Variants in GOLGA3 observed in about 807,000 individuals in gnomAD.
GOLGA3 encodes golgin A3.
Under a neutral mutation model 169.4 loss-of-function variants are expected in GOLGA3, and 75 were observed. The observed-to-expected ratio is 0.44, with a 90% CI of 0.37 to 0.54. GOLGA3 has a LOEUF of 0.54. GOLGA3 is among the 20% of genes least tolerant of loss of function. The pLI, the probability that GOLGA3 is intolerant of heterozygous loss-of-function variation, is 0.00. For synonymous variants in GOLGA3, 824 were observed against 822.4 expected (o/e 1.00, Z -0.03); for missense variants, 1,899 against 1,930.0 (o/e 0.98, Z 0.30).
chr12:132,783,735 AC>A (rs2136324722), intron 16 of GOLGA3: 1 of 308,828 alleles, frequency 3.2e-6, no homozygotes, highest in East Asian at 7.6e-5. Flanking sequence ...CCGCCACCAC[AC>A]CCGGCTAATT....
chr12:132,778,893 G>GA (rs58841336), intron 18 of GOLGA3, among the ~76,000 whole-genome samples: 33,467 of 141,488 alleles, frequency 0.24, 3,975 homozygotes, highest in Middle Eastern at 0.28. Flanking sequence ...GACTCCGTCT[G>GA]AAAAAAAAAA....
intron 21 of GOLGA3, among the ~76,000 whole-genome samples, chr12:132,775,952 C>T (rs1163610670): frequency 6.6e-6 from 1 of 152,236 alleles, no homozygotes; most frequent in Non-Finnish European, 1.5e-5. Context: ...TGACACACAG[C>T]GCGGCCAAGG....
chr12:132,786,814 A>G (rs755460290), intron 13 of GOLGA3, 27 bp from the exon 14 acceptor site: 3 of 1,463,572 alleles, frequency 2.0e-6, no homozygotes. Context: ...GGGCGTGAGG[A>G]GCGGCACTGC....
Position 132,815,012 on chromosome 12 carries a change from CTT to C in GOLGA3, c.406+1526_406+1527del, listed in dbSNP as rs925185278. Among the ~76,000 whole-genome samples, 74 of 152,314 alleles carry C rather than the reference CTT, an allele frequency of 4.9e-4. No homozygotes were observed. The Middle Eastern group carries it at 0.014, about 28-fold the overall frequency. On this transcript the variant is annotated intron_variant, in intron 3 of 23. Transcript: ENST00000450791. ...AGGAAAGCATAATCACACAGCAACG[CTT>C]TACACATGACACCCTCCTTACAGGT...
Position 132,777,609 on chromosome 12 carries a change from A to T in GOLGA3, c.3722+57T>A, listed in dbSNP as rs2045318207. 1.9e-6 allele frequency: 3 copies of T among 1,595,750 alleles called. No individual in the cohort carries two copies. The South Asian group carries it at 3.3e-5, about 18-fold the overall frequency. ...TCGCTGTGCTGAAGGTGTGAATTAG[A>T]CCCCGCCCATTGCCAGGACAGCCAT... is the stretch of plus-strand genomic sequence containing the variant. On this transcript the variant is annotated intron_variant, in intron 19 of 23. Transcript: ENST00000450791. This position sits in a 1 kb window ranked among gnomAD's most constrained non-coding sequence, Gnocchi z 4.7.
At position 132,790,976 on chromosome 12, in the gene GOLGA3, G is replaced by A. The variant is rs181544439; in HGVS notation, c.2547+240C>T. ...TGAGGCAGGAGAATAGCTTGAACCC[G>A]GGAGGCAGAGCTTGCAGTGAGCCAA... On this transcript the variant is annotated intron_variant, in intron 12 of 23. Coordinates refer to ENST00000450791, the MANE Select transcript of GOLGA3 (RefSeq NM_001389683.1). Among the ~76,000 whole-genome samples the A allele has an allele frequency of 2.4e-4, 34 of 139,964 alleles. No individual in the cohort carries two copies. In the East Asian group the frequency reaches 5.3e-3, roughly 22 times the overall value. The allele number at this position is 139,964 out of a possible 152,430, so 91.8% of individuals were successfully genotyped here.
chr12:132,821,925 C>T (rs1593399236), intron 2 of GOLGA3, 71 bp downstream of exon 2: 1 of 968,954 alleles, frequency 1.0e-6, no homozygotes, highest in South Asian at 1.6e-5. Context: ...CCACATCCTC[C>T]CTCAACACCA....
At chr12:132,774,962 T>A in intron 22 of GOLGA3, 179 bp downstream of exon 22, 1 of 583,312 alleles carries the variant, frequency 1.7e-6, no homozygotes, top group Non-Finnish European at 3.0e-6. Context: ...GTTGGATGAA[T>A]GAAACCAGAA....
intron 8 of GOLGA3, among the ~76,000 whole-genome samples, chr12:132,799,210 T>C (rs1173176852): frequency 2.0e-5 from 3 of 152,210 alleles, no homozygotes; most frequent in African/African-American, 7.2e-5. Context: ...GCTGGGACTG[T>C]GTTTCGAGAC....
chr12:132,828,169 G>A (rs1950500799), intron 1 of GOLGA3, among the ~76,000 whole-genome samples: 1 of 152,088 alleles, frequency 6.6e-6, no homozygotes, highest in African/African-American at 2.4e-5. Flanking sequence ...CGCCCCCCAG[G>A]CTCCCACTTA....
At chr12:132,785,097 A>G (rs181953289) in intron 15 of GOLGA3, among the ~76,000 whole-genome samples, 8 of 152,336 alleles carry the variant, frequency 5.3e-5, no homozygotes, top group East Asian at 1.9e-4. Flanking sequence ...AAATTTGCCA[A>G]AAGTCACCAC....
In GOLGA3 at chr12:132,784,778, A is replaced by C. The variant is rs548463952; in HGVS notation, c.3124-471T>G. Among the ~76,000 whole-genome samples the C allele has an allele frequency of 6.8e-3, 898 of 131,928 alleles. 6 individuals are homozygous for C. Among genetic ancestry groups the C allele is most frequent in the Non-Finnish European group, 9.4e-3 (593 of 63,012 alleles). 86.5% of individuals were successfully genotyped at this position (131,928 alleles called of 152,430 possible). ...ACCCCACGTGTTCACACCCCACACCACACATGCACATGTGCTCACACCTCA... is the reference window on the plus strand; with the variant it reads ...ACCCCACGTGTTCACACCCCACACCCCACATGCACATGTGCTCACACCTCA... On this transcript the variant is annotated intron_variant, in intron 15 of 23. Transcript: ENST00000450791.
intron 1 of GOLGA3, among the ~76,000 whole-genome samples, chr12:132,823,571 C>T (rs992141912): frequency 2.0e-5 from 3 of 152,056 alleles, no homozygotes; most frequent in African/African-American, 7.2e-5. Context: ...GGATCACCTG[C>T]GGTCAGGAGT....
At chr12:132,813,639 C>A (rs1316879890) in intron 3 of GOLGA3, among the ~76,000 whole-genome samples, 1 of 152,172 alleles carries the variant, frequency 6.6e-6, no homozygotes, top group African/African-American at 2.4e-5. Flanking sequence ...ACACAGTGGC[C>A]AGGCACTGGG....
chr12:132,803,080 CAACAAAACAACAAA>C (rs1412180190), intron 7 of GOLGA3, among the ~76,000 whole-genome samples: 11 of 31,270 alleles, frequency 3.5e-4, no homozygotes, highest in Admixed American at 3.4e-3. Context: ...ACAACAACAA[CAACAAAACAACAAA>C]AAAAAACACT....
In GOLGA3 at chr12:132,798,491, C is replaced by A. The variant is rs746808592; in HGVS notation, c.1801-14G>T. On this transcript the variant is annotated splice_polypyrimidine_tract_variant and intron_variant, in intron 8 of 23. Transcript: ENST00000450791. ...CATCTGTCCAACCTTAAAAAAAAAA[C>A]CCACAAAGTAAAAAGTTGCTCAATT... is the stretch of plus-strand genomic sequence containing the variant. The A allele has an allele frequency of 2.5e-6, 4 of 1,581,260 alleles. No homozygotes were observed. Among genetic ancestry groups the A allele is most frequent in the Middle Eastern group, 1.7e-4 (1 of 5,904 alleles).
intron 1 of GOLGA3, among the ~76,000 whole-genome samples, chr12:132,823,786 CT>C (rs1260945244): frequency 7.6e-6 from 1 of 131,304 alleles, no homozygotes; most frequent in Non-Finnish European, 1.7e-5. Flanking sequence ...GAAACTCCGT[CT>C]AAAAAAAAAA....
chr12:132,781,751 A>T (rs2045618780), intron 17 of GOLGA3, among the ~76,000 whole-genome samples: 1 of 152,180 alleles, frequency 6.6e-6, no homozygotes, highest in Non-Finnish European at 1.5e-5. Flanking sequence ...CTAGTCCTCA[A>T]TTCAGAGAGG....
chr12:132,791,008 G>A (rs529981696), intron 12 of GOLGA3, among the ~76,000 whole-genome samples: 4 of 117,546 alleles, frequency 3.4e-5, no homozygotes, highest in East Asian at 2.9e-4. Context: ...CCAAGATCGC[G>A]TCACTGCACT....
Sources: allele counts gnomAD v4.1 joint callset (sites outside exome capture counted in the v4.1 genomes callset), GRCh38; gene constraint gnomAD v4.1.1; non-coding constraint Gnocchi (gnomAD v3.1); transcripts MANE v1.5; gene names NCBI Gene and HGNC (gene_info 2026-07-23, HGNC 2026-07-21).